Variants in PRKCE observed in about 807,000 individuals in gnomAD.
PRKCE encodes protein kinase C epsilon type.
PRKCE carries 16 observed loss-of-function variants against 85.4 expected under a neutral mutation model. The ratio of observed to expected loss-of-function variants is 0.19; its 90% CI spans 0.13 to 0.28. PRKCE has a LOEUF of 0.28. Ranked by LOEUF, PRKCE falls within the 10% of genes least tolerant of loss-of-function variation. The probability of loss-of-function intolerance (pLI) is 1.00; values close to 1 mark genes in which losing one functional copy is unlikely to be tolerated. For missense variants in PRKCE, 573 were observed against 975.2 expected, an observed-to-expected ratio of 0.59 and a Z score of 5.49; for synonymous variants, 388 against 371.5, an observed-to-expected ratio of 1.04 and a Z score of -0.51.
At chr2:45,989,064 G>C (rs561773115) in intron 6 of PRKCE, among the ~76,000 whole-genome samples, 189 of 152,314 alleles carry the variant, frequency 1.2e-3, no homozygotes, top group African/African-American at 4.4e-3. Flanking sequence ...AAGTCATCGG[G>C]CACCAAGGGG....
chr2:45,723,282 T>C (rs1446436757), intron 1 of PRKCE, among the ~76,000 whole-genome samples: 2 of 152,170 alleles, frequency 1.3e-5, no homozygotes, highest in South Asian at 2.1e-4. Flanking sequence ...TGTTAAAATA[T>C]GCAAGGGAGG....
At chr2:46,152,106 T>G (rs1676695503) in intron 13 of PRKCE, among the ~76,000 whole-genome samples, 1 of 152,232 alleles carries the variant, frequency 6.6e-6, no homozygotes, top group African/African-American at 2.4e-5. Context: ...TTCAAGTGTC[T>G]TCTGCACTAT....
At chr2:46,125,395 A>G (rs138765567) in intron 11 of PRKCE, among the ~76,000 whole-genome samples, 12 of 152,346 alleles carry the variant, frequency 7.9e-5, no homozygotes, top group Non-Finnish European at 1.2e-4. Context: ...TTTAGGTAAC[A>G]GTGACTGGAT....
chr2:45,858,958 T>C (rs1264883056), intron 2 of PRKCE, among the ~76,000 whole-genome samples: 3 of 151,856 alleles, frequency 2.0e-5, no homozygotes, highest in Non-Finnish European at 2.9e-5. Flanking sequence ...GGAGAATCAC[T>C]TGAACCCAGG....
chr2:46,016,387 G>A (rs1345407297), intron 10 of PRKCE, among the ~76,000 whole-genome samples: 4 of 152,200 alleles, frequency 2.6e-5, no homozygotes, highest in East Asian at 1.9e-4. Context: ...ATCGTCACTG[G>A]TTTCCACGAT....
intron 1 of PRKCE, among the ~76,000 whole-genome samples, chr2:45,693,116 A>G (rs1411083600): frequency 6.6e-6 from 1 of 151,860 alleles, no homozygotes; most frequent in Non-Finnish European, 1.5e-5. Context: ...AGTGCGGGGT[A>G]GGGGAGTGAA....
intron 1 of PRKCE, among the ~76,000 whole-genome samples, chr2:45,746,170 T>C (rs958073757): frequency 6.6e-5 from 10 of 152,304 alleles, no homozygotes; most frequent in African/African-American, 2.4e-4. Context: ...TTTGTATTTG[T>C]AGGGAAAGCT....
At chr2:45,744,054 G>A (rs1682819824) in intron 1 of PRKCE, among the ~76,000 whole-genome samples, 2 of 151,198 alleles carry the variant, frequency 1.3e-5, no homozygotes, top group South Asian at 4.2e-4. Context: ...GAGAAAGGCA[G>A]AGAGTACTGG....
intron 10 of PRKCE, among the ~76,000 whole-genome samples, chr2:46,053,763 CGTGGGTGG>C (rs1666290030): frequency 7.2e-5 from 2 of 27,790 alleles, no homozygotes; most frequent in African/African-American, 4.5e-4. Flanking sequence ...TGGGTGGACA[CGTGGGTGG>C]ACACGTGGGT....
chr2:45,711,919 G>C (rs768231541), intron 1 of PRKCE, among the ~76,000 whole-genome samples: 1 of 151,892 alleles, frequency 6.6e-6, no homozygotes, highest in Non-Finnish European at 1.5e-5. Flanking sequence ...CAACACGCCC[G>C]GCCTCCATTA....
intron 10 of PRKCE, among the ~76,000 whole-genome samples, chr2:46,066,854 G>C (rs746999089): frequency 1.3e-5 from 2 of 152,112 alleles, no homozygotes; most frequent in Non-Finnish European, 2.9e-5. Context: ...TAACTAAGTT[G>C]GCAGAGTTTT....
intron 1 of PRKCE, among the ~76,000 whole-genome samples, chr2:45,830,491 A>G (rs1690333327): frequency 6.6e-6 from 1 of 152,248 alleles, no homozygotes; most frequent in South Asian, 2.1e-4. Context: ...ATATATATGT[A>G]TCACATAGTA....
intron 11 of PRKCE, among the ~76,000 whole-genome samples, chr2:46,120,303 A>G (rs183641209): frequency 1.3e-4 from 20 of 152,266 alleles, no homozygotes; most frequent in Admixed American, 8.5e-4. Flanking sequence ...GTCTAGAGAC[A>G]TTTTTGGTTG....
chr2:45,841,064 G>A (rs900075354), intron 1 of PRKCE, among the ~76,000 whole-genome samples: 15 of 152,122 alleles, frequency 9.9e-5, no homozygotes, highest in African/African-American at 3.1e-4. Flanking sequence ...AGTGAGCTAC[G>A]AACTAGGGAT....
intron 14 of PRKCE, among the ~76,000 whole-genome samples, chr2:46,160,575 A>G (rs1177053086): frequency 4.6e-5 from 2 of 43,704 alleles, no homozygotes; most frequent in African/African-American, 1.3e-4. Context: ...GCTTGCTGGG[A>G]GGTGAAGGGG....
intron 1 of PRKCE, among the ~76,000 whole-genome samples, chr2:45,713,913 A>G (rs1226189819): frequency 6.6e-6 from 1 of 152,236 alleles, no homozygotes; most frequent in Non-Finnish European, 1.5e-5. Context: ...TTGGTTTGCA[A>G]ACTTTTGCAT....
chr2:45,923,041 A>G lies in PRKCE; in HGVS notation c.413-53388A>G, dbSNP rs140401482. Among the ~76,000 whole-genome samples, 883 of 152,354 alleles carry G rather than the reference A, an allele frequency of 5.8e-3. 8 individuals are homozygous for G. The highest frequency in any genetic ancestry group is 8.7e-3 in the Non-Finnish European group (590 of 68,036). ...ACACACCTTCTGTAGAGCCAAATAA[A>G]GGAAAGAAACAGATACTGAACCCTT... is the stretch of plus-strand genomic sequence containing the variant. On this transcript the variant is annotated intron_variant, in intron 2 of 14. Transcript: ENST00000306156.
chr2:45,777,378 G>T (rs1206243958), intron 1 of PRKCE, among the ~76,000 whole-genome samples: 1 of 151,988 alleles, frequency 6.6e-6, no homozygotes, highest in Non-Finnish European at 1.5e-5. Flanking sequence ...GGAGAAGCAT[G>T]GAGGTTTAGA....
chr2:46,127,847 G>A (rs925414062), intron 11 of PRKCE, among the ~76,000 whole-genome samples: 2 of 152,214 alleles, frequency 1.3e-5, no homozygotes, highest in African/African-American at 4.8e-5. Context: ...GAAAATCAAT[G>A]GGAAAATGGA....
Sources: gnomAD v4.1 joint callset for allele counts (sites outside exome capture counted in the v4.1 genomes callset) on GRCh38, gnomAD v4.1.1 for gene constraint, MANE v1.5 for transcripts, NCBI Gene and HGNC (gene_info 2026-07-23, HGNC 2026-07-21) for gene names.